CAMTA1: variants seen among roughly 807,000 people sequenced by gnomAD.
CAMTA1 encodes the protein calmodulin binding transcription activator 1.
CAMTA1 carries 27 observed loss-of-function variants against 170.9 expected under a neutral mutation model. The ratio of observed to expected loss-of-function variants is 0.16; its 90% CI spans 0.12 to 0.22. The LOEUF (loss-of-function observed/expected upper bound fraction) is 0.22, where lower values mean the gene tolerates loss of function less well. Among genes scored for constraint, CAMTA1 ranks in the 10% least tolerant of loss-of-function variants. The pLI is 1.00. For synonymous variants in CAMTA1, 833 were observed against 891.5 expected, an observed-to-expected ratio of 0.93 and a Z score of 1.17; for missense variants, 1,619 against 2,217.2, an observed-to-expected ratio of 0.73 and a Z score of 5.42.
chr1:7,112,495 C>T (rs1644120402), intron 4 of CAMTA1, among the ~76,000 whole-genome samples: 1 of 152,180 alleles, frequency 6.6e-6, no homozygotes, highest in Non-Finnish European at 1.5e-5. Flanking sequence ...CATGGCTGAC[C>T]ATGGCCGAGC....
At chr1:7,597,421 C>G (rs145570581) in intron 6 of CAMTA1, among the ~76,000 whole-genome samples, 3 of 152,186 alleles carry the variant, frequency 2.0e-5, no homozygotes, top group African/African-American at 7.2e-5. Context: ...ACTCTGGCCC[C>G]GAGGCCTCCA....
At chr1:7,269,217 T>C (rs1669342544) in intron 5 of CAMTA1, among the ~76,000 whole-genome samples, 1 of 152,242 alleles carries the variant, frequency 6.6e-6, no homozygotes, top group South Asian at 2.1e-4. Context: ...GAGGACCTGC[T>C]GCTAAGCATT....
rs1705027592 is a variant in CAMTA1 at position 7,044,487 on chromosome 1, G to A, written c.235-46817G>A. ...AGATCATGCCCCTCTGCATGTAACCGATGGCACAAACACCAGGCCTTCAGC... is the reference window on the plus strand; with the variant it reads ...AGATCATGCCCCTCTGCATGTAACCAATGGCACAAACACCAGGCCTTCAGC... On this transcript the variant is annotated intron_variant, in intron 3 of 22. Transcript: ENST00000303635. The surrounding 1 kb of genome is among the most constrained non-coding windows in gnomAD (Gnocchi z 5.0). 6.6e-6 allele frequency among the ~76,000 whole-genome samples: 1 copy of A among 152,190 alleles called. No individual in the cohort carries two copies. The highest frequency in any genetic ancestry group is 2.1e-4 in the South Asian group (1 of 4,822).
chr1:7,498,889 ATGGTGTGAGCC>A (rs1203844947), intron 6 of CAMTA1, among the ~76,000 whole-genome samples: 1 of 133,330 alleles, frequency 7.5e-6, no homozygotes, highest in African/African-American at 3.0e-5. Context: ...TGTAGAGAGG[ATGGTGTGAGCC>A]TGGTGTGAGT....
intron 3 of CAMTA1, among the ~76,000 whole-genome samples, chr1:7,088,395 C>T (rs7544611): frequency 0.24 from 36,517 of 152,034 alleles, 4,508 homozygotes; most frequent in East Asian, 0.32. Flanking sequence ...GAGGTGACCC[C>T]GTAACAGCAC....
At chr1:7,395,223 AT>A in intron 5 of CAMTA1, among the ~76,000 whole-genome samples, 1 of 152,200 alleles carries the variant, frequency 6.6e-6, no homozygotes, top group East Asian at 1.9e-4. Context: ...ACATATAAGA[AT>A]ATTTAATCCA....
At position 7,299,367 on chromosome 1, in the gene CAMTA1, G is replaced by A. The variant is rs2213775; in HGVS notation, c.438+49741G>A. ...GACTCTGAAGCCAGTGCTGTCAGCA[G>A]TTTCTCCCCCTTAATGTAATGCTGT... On this transcript the variant is annotated intron_variant, in intron 5 of 22. Transcript: ENST00000303635. The surrounding 1 kb of genome is among the most constrained non-coding windows in gnomAD (Gnocchi z 4.7). Among the ~76,000 whole-genome samples the A allele has an allele frequency of 2.5e-3, 379 of 152,364 alleles. 1 individual carries two copies. The highest frequency in any genetic ancestry group is 8.2e-3 in the African/African-American group (343 of 41,590).
At chr1:7,699,451 T>C (rs1451015536) in intron 11 of CAMTA1, among the ~76,000 whole-genome samples, 2 of 152,240 alleles carry the variant, frequency 1.3e-5, no homozygotes, top group East Asian at 3.8e-4. Context: ...TGTTGCAGCA[T>C]GTATCAGTAC....
intron 7 of CAMTA1, among the ~76,000 whole-genome samples, chr1:7,649,185 G>A (rs1295170542): frequency 1.3e-5 from 2 of 152,374 alleles, no homozygotes; most frequent in African/African-American, 2.4e-5. Flanking sequence ...GGCACATGGT[G>A]GAGCCTTGCC....
At chr1:7,192,295 G>A (rs1654680828) in intron 4 of CAMTA1, among the ~76,000 whole-genome samples, 1 of 152,214 alleles carries the variant, frequency 6.6e-6, no homozygotes, top group Non-Finnish European at 1.5e-5. Flanking sequence ...AGCTGACTTG[G>A]TGTGCTATGG....
At chr1:7,744,733 G>T in intron 16 of CAMTA1, 102 bp from the exon 17 acceptor site, 1 of 943,872 alleles carries the variant, frequency 1.1e-6, no homozygotes, top group South Asian at 1.6e-5. Context: ...CTGCCCTCCT[G>T]CCTGATTATT....
intron 3 of CAMTA1, among the ~76,000 whole-genome samples, chr1:6,954,249 C>A (rs999937032): frequency 2.0e-5 from 3 of 152,170 alleles, no homozygotes; most frequent in African/African-American, 7.2e-5. Context: ...CTTGACAGCA[C>A]GTCCAAGGGC....
At chr1:7,330,413 C>T (rs898824646) in intron 5 of CAMTA1, among the ~76,000 whole-genome samples, 7 of 152,132 alleles carry the variant, frequency 4.6e-5, no homozygotes, top group Non-Finnish European at 4.4e-5. Context: ...CTTTCCTACC[C>T]GGAGCTCCCC....
intron 11 of CAMTA1, among the ~76,000 whole-genome samples, chr1:7,707,104 T>G (rs2096532415): frequency 6.6e-6 from 1 of 152,068 alleles, no homozygotes; most frequent in Non-Finnish European, 1.5e-5. Context: ...CAGGCTGGTC[T>G]TGAACTCCTG....
intron 5 of CAMTA1, among the ~76,000 whole-genome samples, chr1:7,321,978 C>T (rs1678489225): frequency 1.3e-5 from 2 of 152,170 alleles, no homozygotes; most frequent in Admixed American, 1.3e-4. Flanking sequence ...AGGAGAGAGA[C>T]CTCTGCACTG....
intron 5 of CAMTA1, among the ~76,000 whole-genome samples, chr1:7,382,985 G>T (rs1297922387): frequency 6.6e-6 from 1 of 152,186 alleles, no homozygotes; most frequent in African/African-American, 2.4e-5. Context: ...CAACTAGTAT[G>T]TGCCAGGCAC....
chr1:7,660,569 A>G (rs976899864), intron 7 of CAMTA1, among the ~76,000 whole-genome samples: 2 of 152,134 alleles, frequency 1.3e-5, no homozygotes, highest in African/African-American at 4.8e-5. Flanking sequence ...TTGGACTCAA[A>G]TCCATGTCTG....
At position 7,093,059 on chromosome 1, in the gene CAMTA1, T is replaced by C. The variant is rs1406346295; in HGVS notation, c.302+1688T>C. On this transcript the variant is annotated intron_variant, in intron 4 of 22. Transcript: ENST00000303635. The surrounding 1 kb of genome is among the most constrained non-coding windows in gnomAD (Gnocchi z 4.6). Reference sequence around the variant, plus strand: ...GGCGGTGGAGAGGATGGGAATACAGTGCACTATTTGGTGAATACGGCCATG... The same window carrying C: ...GGCGGTGGAGAGGATGGGAATACAGCGCACTATTTGGTGAATACGGCCATG... 6.6e-6 allele frequency among the ~76,000 whole-genome samples: 1 copy of C among 152,138 alleles called. No homozygotes were observed. The highest frequency in any genetic ancestry group is 6.5e-5 in the Admixed American group (1 of 15,272).
At position 7,249,315 on chromosome 1, in the gene CAMTA1, G is replaced by T. The variant is rs765250994; in HGVS notation, c.303-176G>T. 5.9e-5 allele frequency among the ~76,000 whole-genome samples: 9 copies of T among 152,118 alleles called. No individual in the cohort carries two copies. The highest frequency in any genetic ancestry group is 1.2e-4 in the Non-Finnish European group (8 of 68,024). ...AGGTACCAAATCCAAAGCAAATTTTGGCTGGCCATAAAACATGGTTAATCC... is the reference window on the plus strand; with the variant it reads ...AGGTACCAAATCCAAAGCAAATTTTTGCTGGCCATAAAACATGGTTAATCC... On this transcript the variant is annotated intron_variant, in intron 4 of 22. Transcript: ENST00000303635. This position sits in a 1 kb window ranked among gnomAD's most constrained non-coding sequence, Gnocchi z 4.4.
Sources: allele counts gnomAD v4.1 joint callset (sites outside exome capture counted in the v4.1 genomes callset), GRCh38; gene constraint gnomAD v4.1.1; non-coding constraint Gnocchi (gnomAD v3.1); transcripts MANE v1.5; gene names NCBI Gene and HGNC (gene_info 2026-07-23, HGNC 2026-07-21).